Variants in KIZ observed in about 807,000 individuals in gnomAD.
KIZ encodes kizuna centrosomal protein.
Under a neutral mutation model 79.6 loss-of-function variants are expected in KIZ, and 68 were observed. The observed-to-expected ratio is 0.85, with a 90% CI of 0.70 to 1.05. The LOEUF (loss-of-function observed/expected upper bound fraction) is 1.05, where lower values mean the gene tolerates loss of function less well. Ranked by LOEUF, KIZ falls within the 50% of genes least tolerant of loss-of-function variation. The pLI is 0.00. For missense variants in KIZ, 797 were observed against 800.4 expected (o/e 1.00, Z 0.05); for synonymous variants, 280 against 281.8 (o/e 0.99, Z 0.06).
chr20:21,189,713 A>G (rs2035032923), intron 6 of KIZ, among the ~76,000 whole-genome samples: 1 of 152,228 alleles, frequency 6.6e-6, no homozygotes, highest in Non-Finnish European at 1.5e-5. Flanking sequence ...AATGTAGCCC[A>G]TAATTCAAGC....
chr20:21,213,311 T>A (rs1022489013), intron 7 of KIZ, among the ~76,000 whole-genome samples: 17 of 152,210 alleles, frequency 1.1e-4, no homozygotes, highest in Non-Finnish European at 2.5e-4. Context: ...ATGCTCTGAC[T>A]CTCCCTGTCG....
chr20:21,144,033 T>C (rs1011685537), intron 3 of KIZ: 25 of 152,198 alleles, frequency 1.6e-4, no homozygotes, highest in Admixed American at 1.6e-3. Context: ...GTTGAGTGAC[T>C]TTTTCAGTTG....
At chr20:21,166,608 G>A (rs571051618) in intron 6 of KIZ, 18 of 1,176,178 alleles carry the variant, frequency 1.5e-5, no homozygotes, top group Non-Finnish European at 2.1e-5. Flanking sequence ...GTGGCGGTGC[G>A]GAAAGAGCTT....
intron 11 of KIZ, among the ~76,000 whole-genome samples, chr20:21,242,187 G>C (rs768550307): frequency 2.0e-5 from 3 of 152,202 alleles, no homozygotes; most frequent in Non-Finnish European, 4.4e-5. Flanking sequence ...ACAAGTGGAT[G>C]TGAAACAGCA....
intron 6 of KIZ, among the ~76,000 whole-genome samples, chr20:21,193,890 G>C (rs930695002): frequency 2.0e-5 from 3 of 150,266 alleles, no homozygotes; most frequent in Non-Finnish European, 4.4e-5. Context: ...AGCATTAGGA[G>C]ATATACCTAA....
intron 6 of KIZ, among the ~76,000 whole-genome samples, chr20:21,178,533 C>G (rs1164509146): frequency 6.6e-6 from 1 of 151,340 alleles, no homozygotes. Context: ...GCAACAGGGA[C>G]AATTTTACTT....
intron 4 of KIZ, among the ~76,000 whole-genome samples, chr20:21,150,685 T>C (rs1218052652): frequency 1.3e-5 from 2 of 152,242 alleles, no homozygotes; most frequent in African/African-American, 4.8e-5. Context: ...TAAAACTACA[T>C]CTGCAGATCT....
At chr20:21,171,714 G>A (rs2034212682) in intron 6 of KIZ, among the ~76,000 whole-genome samples, 1 of 152,220 alleles carries the variant, frequency 6.6e-6, no homozygotes, top group South Asian at 2.1e-4. Flanking sequence ...CAAAGTGCTG[G>A]GATTACAGGC....
chr20:21,189,196 C>G (rs964313376), intron 6 of KIZ, among the ~76,000 whole-genome samples: 1 of 152,094 alleles, frequency 6.6e-6, no homozygotes, highest in Non-Finnish European at 1.5e-5. Context: ...TGACTTCACC[C>G]TTCTATGGCT....
chr20:21,211,809 C>G (rs1412077231), intron 7 of KIZ, among the ~76,000 whole-genome samples: 5 of 152,186 alleles, frequency 3.3e-5, no homozygotes, highest in African/African-American at 1.2e-4. Context: ...GTTGTTTTTG[C>G]AAGGCACAGT....
chr20:21,155,199 T>C (rs1203042725), intron 4 of KIZ, among the ~76,000 whole-genome samples: 2 of 152,170 alleles, frequency 1.3e-5, no homozygotes, highest in East Asian at 1.9e-4. Flanking sequence ...GTGTACAAGA[T>C]TGGACACCAA....
Position 21,154,291 on chromosome 20 carries a change from G to A in KIZ, c.406-7580G>A, listed in dbSNP as rs566238789. On this transcript the variant is annotated intron_variant, in intron 4 of 12. Coordinates refer to ENST00000619189, the MANE Select transcript of KIZ (RefSeq NM_018474.6). Reference sequence around the variant, plus strand: ...TTTTCAAAGTATACTAGTGGTTGAGGTCTGCCTTTAAATGCTGTAGTTCAT... The same window carrying A: ...TTTTCAAAGTATACTAGTGGTTGAGATCTGCCTTTAAATGCTGTAGTTCAT... The A allele has an allele frequency of 3.9e-5, 6 of 152,240 alleles. No homozygotes were observed. The South Asian group carries it at 1.2e-3, about 32-fold the overall frequency. 9.4% of individuals were successfully genotyped at this position (152,240 alleles called of 1,614,324 possible).
chr20:21,154,147 A>G (rs977977075), intron 4 of KIZ: 1 of 152,204 alleles, frequency 6.6e-6, no homozygotes, highest in African/African-American at 2.4e-5. Flanking sequence ...TTGGTCTAAC[A>G]GCTTCATTTC....
At chr20:21,144,330 C>T (rs2122493163) in intron 3 of KIZ, 1 of 152,224 alleles carries the variant, frequency 6.6e-6, no homozygotes, top group Admixed American at 6.5e-5. Flanking sequence ...TATTGTAATT[C>T]ATCCCCCATT....
intron 3 of KIZ, among the ~76,000 whole-genome samples, chr20:21,143,177 A>AT (rs1260685662): frequency 2.0e-5 from 3 of 152,146 alleles, no homozygotes; most frequent in Non-Finnish European, 4.4e-5. Context: ...TGACTTGAGG[A>AT]TCAAATCAGC....
intron 6 of KIZ, among the ~76,000 whole-genome samples, chr20:21,175,206 T>C (rs1398394911): frequency 6.6e-6 from 1 of 152,238 alleles, no homozygotes; most frequent in Non-Finnish European, 1.5e-5. Flanking sequence ...TTTCTACCTG[T>C]CACTTCATTC....
At chr20:21,229,403 A>G (rs948584500) in intron 10 of KIZ, among the ~76,000 whole-genome samples, 5 of 152,240 alleles carry the variant, frequency 3.3e-5, no homozygotes, top group Non-Finnish European at 5.9e-5. Context: ...CTGAGAAGAC[A>G]CACCCAAATT....
In KIZ at chr20:21,204,596, T is replaced by G. The variant is rs551476190; in HGVS notation, c.1353-895T>G. On this transcript the variant is annotated intron_variant, in intron 6 of 12. Transcript: ENST00000619189. ...TTGACAGTGGGAGCTTCCTAAGATA[T>G]CCCCTCCCCACCTTCAGTTCTTTTG... 1.6e-4 allele frequency among the ~76,000 whole-genome samples: 24 copies of G among 152,202 alleles called. No individual in the cohort carries two copies. The South Asian group carries it at 5.0e-3, about 32-fold the overall frequency.
intron 4 of KIZ, among the ~76,000 whole-genome samples, chr20:21,152,533 C>G (rs2122577536): frequency 6.6e-6 from 1 of 152,156 alleles, no homozygotes; most frequent in South Asian, 2.1e-4. Flanking sequence ...CTGAGTTACC[C>G]TATTTGGGGA....
Sources: gnomAD v4.1 joint callset for allele counts (sites outside exome capture counted in the v4.1 genomes callset) on GRCh38, gnomAD v4.1.1 for gene constraint, MANE v1.5 for transcripts, NCBI Gene and HGNC (gene_info 2026-07-23, HGNC 2026-07-21) for gene names.